The following RASGRP4 variants were observed in gnomAD, a reference collection of about 807,000 sequenced individuals.
RASGRP4 encodes RAS guanyl-releasing protein 4.
Under a neutral mutation model 84.4 loss-of-function variants are expected in RASGRP4, and 52 were observed. The ratio of observed to expected loss-of-function variants is 0.62; its 90% CI spans 0.49 to 0.78. The LOEUF is 0.78. RASGRP4 is among the 30% of genes least tolerant of loss of function. The pLI is 0.00. For synonymous variants in RASGRP4, 356 were observed against 359.1 expected (o/e 0.99, Z 0.10); for missense variants, 760 against 886.9 (o/e 0.86, Z 1.82).
At chr19:38,419,808 C>T in intron 6 of RASGRP4, 52 bp downstream of exon 6, 6 of 1,521,874 alleles carry the variant, frequency 3.9e-6, no homozygotes, top group South Asian at 3.7e-5. Context: ...CCAATCCCTC[C>T]CCTACCCCAG....
intron 9 of RASGRP4, among the ~76,000 whole-genome samples, chr19:38,414,034 T>C (rs965227069): frequency 8.6e-5 from 13 of 152,040 alleles, no homozygotes; most frequent in Non-Finnish European, 1.9e-4. Context: ...GTTCAAGCGA[T>C]TCTCATGCCT....
At chr19:38,422,614 CTGA>C (rs1233950775) in intron 1 of RASGRP4, among the ~76,000 whole-genome samples, 2 of 148,200 alleles carry the variant, frequency 1.3e-5, no homozygotes, top group Admixed American at 1.4e-4. Flanking sequence ...TTTATGATGC[CTGA>C]TGATCTAGGC....
chr19:38,412,398 A>G lies in RASGRP4; in HGVS notation c.1680+274T>C. The G allele has an allele frequency of 2.4e-6, 1 of 417,444 alleles. No individual in the cohort carries two copies. Among genetic ancestry groups the G allele is most frequent in the Non-Finnish European group, 4.3e-6 (1 of 230,724 alleles). 25.9% of individuals were successfully genotyped at this position (417,444 alleles called of 1,614,324 possible). ...CAGCCTCCCCAAGTGCTGGGATTAC[A>G]GGCGTGAGCCACCACTCCTGGCCTC... On this transcript the variant is annotated intron_variant, in intron 13 of 16. Coordinates refer to ENST00000615439, the MANE Select transcript of RASGRP4 (RefSeq NM_170604.3). This position sits in a 1 kb window ranked among gnomAD's most constrained non-coding sequence, Gnocchi z 4.6.
intron 1 of RASGRP4, 23 bp downstream of exon 1, chr19:38,426,046 C>T: frequency 7.3e-7 from 1 of 1,368,746 alleles, no homozygotes; most frequent in African/African-American, 1.5e-5. Context: ...TGCTGCCGGG[C>T]TCCCTGGGGA....
chr19:38,415,069 G>T lies in RASGRP4; in HGVS notation c.1009C>A (p.Arg337Ser), dbSNP rs756963580. Residue 337 changes from arginine to serine, a missense_variant, in exon 9 of 17, where the codon CGC becomes AGC. Physicochemically the swap from Arg to Ser is moderately radical, Grantham distance 110. Transcript: ENST00000615439. ...LASHNNYARY[R>S]RTWAGCAGFR... ...CCCGCGCAGCCAGCCCAGGTGCGGCGGTAGCGGGCGTAGTTGTTGTGGGAG... is the reference window on the plus strand; with the variant it reads ...CCCGCGCAGCCAGCCCAGGTGCGGCTGTAGCGGGCGTAGTTGTTGTGGGAG... The T allele has an allele frequency of 2.5e-6, 4 of 1,602,632 alleles. No individual in the cohort carries two copies. The African/African-American group carries it at 5.4e-5, about 21-fold the overall frequency.
intron 9 of RASGRP4, among the ~76,000 whole-genome samples, chr19:38,414,249 T>C (rs1971397967): frequency 6.6e-6 from 1 of 150,918 alleles, no homozygotes; most frequent in South Asian, 2.1e-4. Context: ...AGACATTCTT[T>C]GAACGATGTC....
In RASGRP4 at chr19:38,411,347, C is replaced by T. The variant is rs776295355; in HGVS notation, c.1715G>A (p.Arg572Gln). 8.7e-6 allele frequency: 14 copies of T among 1,601,168 alleles called. No individual in the cohort carries two copies. Among genetic ancestry groups the T allele is most frequent in the African/African-American group, 2.7e-5 (2 of 74,574 alleles). The stretch of plus-strand genomic sequence containing the variant: ...CCACTCACTGACACCCCACTCACCC[C>T]GACAGCGGTAGCCTTGCTTGGTGAC... ...WGVTKQGYRC[R>Q]ECGLCCHKHC... The change falls in exon 14 of 17, where the codon CGG becomes CAG. Residue 572 changes from arginine to glutamine, a missense_variant and splice_region_variant. Arg to Gln is a conservative substitution (Grantham distance 43). Coordinates refer to ENST00000615439, the MANE Select transcript of RASGRP4 (RefSeq NM_170604.3).
intron 1 of RASGRP4, among the ~76,000 whole-genome samples, chr19:38,423,572 C>T (rs549597786): frequency 1.3e-5 from 2 of 151,792 alleles, no homozygotes; most frequent in East Asian, 3.9e-4. Flanking sequence ...CACAGTGGCT[C>T]ACGCCTGTAG....
Position 38,415,081 on chromosome 19 carries a change from AGTT to A in RASGRP4, c.994_996del (p.Asn332del), listed in dbSNP as rs1307704677. 6.2e-7 allele frequency: 1 copy of A among 1,601,406 alleles called. No homozygotes were observed. On this transcript the variant is annotated inframe_deletion, in exon 9 of 17. Transcript: ENST00000615439. ...GCCCAGGTGCGGCGGTAGCGGGCGT[AGTT>A]GTTGTGGGAGGCAAGGAGCTCAGTG...
At chr19:38,421,935 G>C in intron 2 of RASGRP4, 34 bp downstream of exon 2, 1 of 1,586,092 alleles carries the variant, frequency 6.3e-7, no homozygotes. Flanking sequence ...CCCGAGGTTA[G>C]GGCCAGGGAG....
Position 38,420,020 on chromosome 19 carries a change from G to A in RASGRP4, c.510-7C>T. 1.2e-6 allele frequency: 2 copies of A among 1,613,366 alleles called. No individual in the cohort carries two copies. Among genetic ancestry groups the A allele is most frequent in the Non-Finnish European group, 1.7e-6 (2 of 1,179,346 alleles). On this transcript the variant is annotated splice_polypyrimidine_tract_variant and splice_region_variant and intron_variant, in intron 5 of 16. Coordinates refer to ENST00000615439, the MANE Select transcript of RASGRP4 (RefSeq NM_170604.3). ...AGGGCCACCAGGGCTCAGGCTGGGG[G>A]CCAAGAGGGGCAGGGTATTGGAGTG...
In RASGRP4 at chr19:38,418,248, T is replaced by G. The variant is rs936055854; in HGVS notation, c.837+143A>C. The G allele has an allele frequency of 2.1e-5, 17 of 824,074 alleles. No homozygotes were observed. The highest frequency in any genetic ancestry group is 2.9e-5 in the Non-Finnish European group (15 of 524,846). The allele number at this position is 824,074 out of a possible 1,614,324, so 51.0% of individuals were successfully genotyped here. A position where few individuals can be genotyped will look rare whatever the true frequency, so the allele number is the denominator to read the frequency against. On this transcript the variant is annotated intron_variant, in intron 7 of 16. Transcript: ENST00000615439. This position sits in a 1 kb window ranked among gnomAD's most constrained non-coding sequence, Gnocchi z 4.6. ...AAGAAGTTACGGTCCTTGGTTGGAA[T>G]GCCCAGGCTGTGGCCTCGGGGGCGG...
chr19:38,416,313 A>C (rs1471862895), intron 8 of RASGRP4, among the ~76,000 whole-genome samples: 1 of 151,294 alleles, frequency 6.6e-6, no homozygotes, highest in Admixed American at 6.6e-5. Context: ...AAAATACAAA[A>C]TTAGCAGGGC....
chr19:38,420,793 G>T, intron 4 of RASGRP4, 115 bp downstream of exon 4: 2 of 1,043,032 alleles, frequency 1.9e-6, no homozygotes, highest in Non-Finnish European at 1.5e-6. Flanking sequence ...TTTGGCCTGT[G>T]GGGCTGGTTG....
rs757246311 is a variant in RASGRP4 at position 38,413,496 on chromosome 19, C to G, written c.1231-22G>C. 1 of 1,567,878 alleles carries G rather than the reference C, an allele frequency of 6.4e-7. No individual in the cohort carries two copies. The highest frequency in any genetic ancestry group is 8.7e-7 in the Non-Finnish European group (1 of 1,153,822). Reference sequence around the variant, plus strand: ...AGAGCTGGAGCAGACAGGGGTGTTACGGATCCTCCCATCTATAGCCCTGCC... The same window carrying G: ...AGAGCTGGAGCAGACAGGGGTGTTAGGGATCCTCCCATCTATAGCCCTGCC... On this transcript the variant is annotated intron_variant, in intron 9 of 16. Transcript: ENST00000615439. The surrounding 1 kb of genome is among the most constrained non-coding windows in gnomAD (Gnocchi z 4.7).
At position 38,418,425 on chromosome 19, in the gene RASGRP4, G is replaced by T; in HGVS notation, c.803C>A (p.Ala268Glu). The change falls in exon 7 of 17, where the codon GCA becomes GAA. Residue 268 changes from alanine to glutamate, a missense_variant. Coordinates refer to ENST00000615439, the MANE Select transcript of RASGRP4 (RefSeq NM_170604.3). The surrounding 1 kb of genome is among the most constrained non-coding windows in gnomAD (Gnocchi z 4.6). ...VLSRPGPLQR[A>E]QVLDKFIHVA... ...GTGAATGAACTTGTCCAGCACCTGT[G>T]CACGCTGTAGGGGCCCGGGACGGCT... is the stretch of plus-strand genomic sequence containing the variant. 4 of 1,606,760 alleles carry T rather than the reference G, an allele frequency of 2.5e-6. No individual in the cohort carries two copies. The highest frequency in any genetic ancestry group is 3.4e-6 in the Non-Finnish European group (4 of 1,177,052).
Position 38,409,986 on chromosome 19 carries a change from G to T in RASGRP4, c.*54C>A. 2.1e-6 allele frequency: 3 copies of T among 1,460,086 alleles called. No homozygotes were observed. The highest frequency in any genetic ancestry group is 2.5e-5 in the South Asian group (2 of 81,624). The allele number at this position is 1,460,086 out of a possible 1,614,324, so 90.4% of individuals were successfully genotyped here. On this transcript the variant is annotated 3_prime_UTR_variant, in exon 17 of 17. Transcript: ENST00000615439. ...GAGCCCTGCCAGAGTCTGACGGCAG[G>T]ACTCAGGACTGACTGGGGGAAGGGA... is the stretch of plus-strand genomic sequence containing the variant.
rs1233114989 is a variant in RASGRP4, at chr19:38,412,506, T to C, written c.1680+166A>G. ...CTGGGATTTTGGGATTATCTGGCATTTGGAGATTATCCAGGATATAGGGAA... is the reference window on the plus strand; with the variant it reads ...CTGGGATTTTGGGATTATCTGGCATCTGGAGATTATCCAGGATATAGGGAA... On this transcript the variant is annotated intron_variant, in intron 13 of 16. Coordinates refer to ENST00000615439, the MANE Select transcript of RASGRP4 (RefSeq NM_170604.3). The surrounding 1 kb of genome is among the most constrained non-coding windows in gnomAD (Gnocchi z 4.6). 3 of 673,998 alleles carry C rather than the reference T, an allele frequency of 4.5e-6. No individual in the cohort carries two copies. In the African/African-American group the frequency reaches 5.4e-5, roughly 12 times the overall value. 41.8% of individuals were successfully genotyped at this position (673,998 alleles called of 1,614,324 possible).
At chr19:38,419,774 C>T in intron 6 of RASGRP4, 86 bp downstream of exon 6, 1 of 1,288,978 alleles carries the variant, frequency 7.8e-7, no homozygotes, top group South Asian at 1.4e-5. Context: ...ATGCAGGTGT[C>T]CTCTCAGTCC....
Sources: allele counts gnomAD v4.1 joint callset (sites outside exome capture counted in the v4.1 genomes callset), GRCh38; gene constraint gnomAD v4.1.1; non-coding constraint Gnocchi (gnomAD v3.1); transcripts MANE v1.5; gene names NCBI Gene and HGNC (gene_info 2026-07-23, HGNC 2026-07-21).